The following PCDHA6 variants were observed in gnomAD, a reference collection of about 807,000 sequenced individuals.
PCDHA6 encodes protocadherin alpha-6.
A neutral mutation model predicts 60.3 loss-of-function variants in PCDHA6; 55 were observed. The ratio of observed to expected loss-of-function variants is 0.91; its 90% CI spans 0.73 to 1.14. The LOEUF is 1.14. PCDHA6 is among the 50% of genes most tolerant of loss of function. The pLI is 0.00. For missense variants in PCDHA6, 1,327 were observed against 1,256.5 expected, an observed-to-expected ratio of 1.06 and a Z score of -0.85; for synonymous variants, 652 against 557.9, an observed-to-expected ratio of 1.17 and a Z score of -2.38.
chr5:140,983,588 C>G (rs530448589), intron 3 of PCDHA6, among the ~76,000 whole-genome samples: 1 of 152,152 alleles, frequency 6.6e-6, no homozygotes, highest in African/African-American at 2.4e-5. Context: ...TACATCTATT[C>G]TACATATGAG....
intron 1 of PCDHA6, among the ~76,000 whole-genome samples, chr5:140,885,818 G>C (rs2060726718): frequency 6.6e-6 from 1 of 151,914 alleles, no homozygotes; most frequent in African/African-American, 2.4e-5. Flanking sequence ...ATTTGTATTT[G>C]ATCTTCTTTG....
intron 1 of PCDHA6, chr5:140,883,965 T>C: frequency 6.2e-7 from 1 of 1,613,128 alleles, no homozygotes; most frequent in Non-Finnish European, 8.5e-7. Flanking sequence ...CCGGCGCTGC[T>C]GACGCCCGGG....
intron 1 of PCDHA6, chr5:140,876,687 C>T: frequency 6.2e-7 from 1 of 1,614,212 alleles, no homozygotes; most frequent in Non-Finnish European, 8.5e-7. Flanking sequence ...AGAATTACTA[C>T]TCGTTGGTGC....
In PCDHA6 at chr5:140,828,162, G is replaced by A. The variant is rs1769562781; in HGVS notation, c.71G>A (p.Trp24Ter). The A allele has an allele frequency of 2.5e-6, 4 of 1,614,172 alleles. No homozygotes were observed. The highest frequency in any genetic ancestry group is 3.4e-6 in the Non-Finnish European group (4 of 1,180,020). ...LLLPLLLLAAWKVGSGQLHYS... is the reference protein window; with the variant it reads ...LLLPLLLLAA Reference sequence around the variant, plus strand: ...CTCCCGCTTCTGCTCCTCGCAGCCTGGAAGGTGGGGAGCGGCCAGCTCCAC... The same window carrying A: ...CTCCCGCTTCTGCTCCTCGCAGCCTAGAAGGTGGGGAGCGGCCAGCTCCAC... Residue 24 changes from tryptophan to a stop codon, truncating the protein, a stop_gained, in exon 1 of 4, where the codon TGG (tryptophan) becomes TAG (stop). Transcript: ENST00000529310. LOFTEE classifies it high-confidence loss of function.
intron 1 of PCDHA6, among the ~76,000 whole-genome samples, chr5:140,906,797 A>G (rs2072940556): frequency 6.6e-6 from 1 of 151,964 alleles, no homozygotes; most frequent in African/African-American, 2.4e-5. Context: ...TTCCATGCAT[A>G]CTCTTCCTTA....
rs2150341132 is a variant in PCDHA6, at chr5:140,842,649, T to C, written c.2394+12164T>C. The C allele has an allele frequency of 5.7e-5, 91 of 1,595,206 alleles. 10 individuals are homozygous for C. The Admixed American group carries it at 1.5e-3, about 27-fold the overall frequency. On this transcript the variant is annotated intron_variant, in intron 1 of 3. Transcript: ENST00000529310. ...CTGTGGGCCACCGCCAGCTTGTCTG[T>C]GGAGGTGGCCGACGTGAACGACAAT... is the stretch of plus-strand genomic sequence containing the variant.
intron 2 of PCDHA6, among the ~76,000 whole-genome samples, chr5:140,982,084 A>G (rs2096965344): frequency 6.6e-6 from 1 of 152,266 alleles, no homozygotes; most frequent in East Asian, 1.9e-4. Flanking sequence ...TAGAGAACCT[A>G]GGAACAAGAG....
Position 140,828,447 on chromosome 5 carries a change from T to G in PCDHA6, c.356T>G (p.Val119Gly). 1 of 1,614,248 alleles carries G rather than the reference T, an allele frequency of 6.2e-7. No individual in the cohort carries two copies. The highest frequency in any genetic ancestry group is 8.5e-7 in the Non-Finnish European group (1 of 1,180,048). The stretch of plus-strand genomic sequence containing the variant: ...GACAGGCCGCTGCAGGTTTTCCATG[T>G]GGACGTGGAGGTGAGGGACATTAAC... Reference protein sequence around the residue: ...IVDRPLQVFHVDVEVRDINDN... With the variant: ...IVDRPLQVFHGDVEVRDINDN... The change falls in exon 1 of 4, where the codon GTG (valine) becomes GGG (glycine). Residue 119 changes from valine to glycine, a missense_variant. Physicochemically the swap from Val to Gly is moderately radical, Grantham distance 109 (BLOSUM62 -3). Coordinates refer to ENST00000529310, the MANE Select transcript of PCDHA6 (RefSeq NM_018909.4).
At chr5:140,858,133 C>A in intron 1 of PCDHA6, 2 of 1,597,688 alleles carry the variant, frequency 1.3e-6, no homozygotes, top group Non-Finnish European at 1.7e-6. Context: ...TGGATGTCAA[C>A]GTGTACCTGA....
chr5:140,858,881 T>A (rs1466953448), intron 1 of PCDHA6: 7 of 242,834 alleles, frequency 2.9e-5, no homozygotes, highest in Non-Finnish European at 5.6e-5. Flanking sequence ...TTTTCCTCCA[T>A]GTGTAGAATA....
intron 1 of PCDHA6, chr5:140,850,690 G>A: frequency 6.3e-7 from 1 of 1,598,402 alleles, no homozygotes; most frequent in Non-Finnish European, 8.6e-7. Context: ...GAGGGCGAGT[G>A]CGCGCCTGGC....
chr5:140,915,328 A>G (rs1554196854), intron 1 of PCDHA6, among the ~76,000 whole-genome samples: 1 of 152,100 alleles, frequency 6.6e-6, no homozygotes. Context: ...CAGTGTTATA[A>G]TATTCTGTGT....
intron 1 of PCDHA6, among the ~76,000 whole-genome samples, chr5:140,932,112 T>C (rs1211067626): frequency 6.6e-6 from 1 of 151,944 alleles, no homozygotes; most frequent in African/African-American, 2.4e-5. Flanking sequence ...GTATTTCCAA[T>C]TGATAATATT....
At position 140,835,704 on chromosome 5, in the gene PCDHA6, G is replaced by T. The variant is rs2150242538; in HGVS notation, c.2394+5219G>T. 4 of 1,613,774 alleles carry T rather than the reference G, an allele frequency of 2.5e-6. No homozygotes were observed. The Admixed American group carries it at 6.7e-5, about 27-fold the overall frequency. Reference sequence around the variant, plus strand: ...GCCTTCTCTGTGGGCCACTGCTAGCGTGTCCGTGGAGGTGGCCGACGTGAA... The same window carrying T: ...GCCTTCTCTGTGGGCCACTGCTAGCTTGTCCGTGGAGGTGGCCGACGTGAA... On this transcript the variant is annotated intron_variant, in intron 1 of 3. Coordinates refer to ENST00000529310, the MANE Select transcript of PCDHA6 (RefSeq NM_018909.4).
In PCDHA6 at chr5:140,848,948, G is replaced by C. The variant is rs2150426215; in HGVS notation, c.2394+18463G>C. ...CGGAATCCAGGCCGCTTGACTCTCG[G>C]TTTCCACTAGAGGGCGCGTCCGATG... On this transcript the variant is annotated intron_variant, in intron 1 of 3. Coordinates refer to ENST00000529310, the MANE Select transcript of PCDHA6 (RefSeq NM_018909.4). 8.1e-6 allele frequency: 13 copies of C among 1,607,010 alleles called. No homozygotes were observed. The African/African-American group carries it at 1.8e-4, about 22-fold the overall frequency.
intron 1 of PCDHA6, chr5:140,883,461 T>C: frequency 2.5e-6 from 4 of 1,614,144 alleles, no homozygotes; most frequent in Non-Finnish European, 3.4e-6. Context: ...TTCAAGCTGG[T>C]GTCCACCTAC....
rs1354024446 is a variant in PCDHA6 at position 140,846,271 on chromosome 5, C to G, written c.2394+15786C>G. Among the ~76,000 whole-genome samples the G allele has an allele frequency of 2.0e-5, 3 of 148,444 alleles. 1 individual carries two copies. The highest frequency in any genetic ancestry group is 3.0e-5 in the Non-Finnish European group (2 of 66,608). Reference sequence around the variant, plus strand: ...TAATGTTTTGATGATGATTTAAAGTCAATTTATGTTGTAGTTCTATGAATT... The same window carrying G: ...TAATGTTTTGATGATGATTTAAAGTGAATTTATGTTGTAGTTCTATGAATT... On this transcript the variant is annotated intron_variant, in intron 1 of 3. Coordinates refer to ENST00000529310, the MANE Select transcript of PCDHA6 (RefSeq NM_018909.4).
intron 1 of PCDHA6, chr5:140,868,693 T>C (rs1284176343): frequency 5.7e-6 from 1 of 176,810 alleles, no homozygotes; most frequent in African/African-American, 2.4e-5. Flanking sequence ...TAATGTTAAG[T>C]CAAACATAGA....
rs550398364 is a variant in PCDHA6, at chr5:140,897,290, G to A, written c.2394+66805G>A. Among the ~76,000 whole-genome samples the A allele has an allele frequency of 1.2e-4, 18 of 150,778 alleles. No homozygotes were observed. In the East Asian group the frequency reaches 1.4e-3, roughly 11 times the overall value. On this transcript the variant is annotated intron_variant, in intron 1 of 3. Coordinates refer to ENST00000529310, the MANE Select transcript of PCDHA6 (RefSeq NM_018909.4). ...GCTGGTGTGCTGCACCCATTAACTC[G>A]TCATTTAGCATTAGGTATATCTCCT...
Sources: gnomAD v4.1 joint callset for allele counts (sites outside exome capture counted in the v4.1 genomes callset) on GRCh38, gnomAD v4.1.1 for gene constraint, MANE v1.5 for transcripts, NCBI Gene and HGNC (gene_info 2026-07-23, HGNC 2026-07-21) for gene names.